The following SLC44A1 variants were observed in gnomAD, a reference collection of about 807,000 sequenced individuals.
The protein encoded by SLC44A1 is choline transporter-like protein 1.
SLC44A1 carries 26 observed loss-of-function variants against 79.3 expected under a neutral mutation model. The ratio of observed to expected loss-of-function variants is 0.33; its 90% CI spans 0.24 to 0.46. SLC44A1 has a LOEUF of 0.46. Among genes scored for constraint, SLC44A1 ranks in the 20% least tolerant of loss-of-function variants. The probability of loss-of-function intolerance (pLI) is 1.00; values close to 1 mark genes in which losing one functional copy is unlikely to be tolerated. For missense variants in SLC44A1, 688 were observed against 798.1 expected, an observed-to-expected ratio of 0.86 and a Z score of 1.66; for synonymous variants, 263 against 286.2, an observed-to-expected ratio of 0.92 and a Z score of 0.82.
In SLC44A1 at chr9:105,319,604, G is replaced by C. The variant is rs62575077; in HGVS notation, c.269+9738G>C. 1.6e-3 allele frequency among the ~76,000 whole-genome samples: 251 copies of C among 152,130 alleles called. 2 individuals carry two copies. The highest frequency in any genetic ancestry group is 0.012 in the South Asian group (60 of 4,812). On this transcript the variant is annotated intron_variant, in intron 3 of 15. Coordinates refer to ENST00000374720, the MANE Select transcript of SLC44A1 (RefSeq NM_080546.5). ...AAACAACATTGTTGGTCTTTCTAGG[G>C]TGGTCGACGCCCACCCTAAATAGTA...
chr9:105,329,510 C>T (rs1414305788), intron 3 of SLC44A1, among the ~76,000 whole-genome samples: 1 of 152,134 alleles, frequency 6.6e-6, no homozygotes. Context: ...GGCAAAGGCT[C>T]ATCTCTGGAT....
chr9:105,345,783 T>C (rs1340140211), intron 4 of SLC44A1, among the ~76,000 whole-genome samples: 1 of 152,144 alleles, frequency 6.6e-6, no homozygotes, highest in Non-Finnish European at 1.5e-5. Flanking sequence ...AAAGTTAGGT[T>C]CCTAAGATCA....
intron 1 of SLC44A1, among the ~76,000 whole-genome samples, chr9:105,287,747 C>T (rs1830509709): frequency 6.6e-6 from 1 of 152,110 alleles, no homozygotes; most frequent in African/African-American, 2.4e-5. Flanking sequence ...TGTTCCTTTC[C>T]CTCTCCATAC....
intron 3 of SLC44A1, among the ~76,000 whole-genome samples, chr9:105,316,014 A>T (rs966350549): frequency 5.9e-5 from 9 of 152,204 alleles, no homozygotes; most frequent in African/African-American, 2.2e-4. Context: ...AAGCGACCTA[A>T]GTGGTTGAAA....
chr9:105,283,613 G>A (rs139221453), intron 1 of SLC44A1, among the ~76,000 whole-genome samples: 5 of 152,250 alleles, frequency 3.3e-5, no homozygotes, highest in African/African-American at 1.2e-4. Context: ...GAAATTTTTT[G>A]TCAGTTTGGT....
intron 3 of SLC44A1, among the ~76,000 whole-genome samples, chr9:105,325,088 A>G (rs1229424515): frequency 6.6e-6 from 1 of 152,236 alleles, no homozygotes; most frequent in Non-Finnish European, 1.5e-5. Flanking sequence ...ATAGCCAAAA[A>G]CAGAAAACAG....
rs1485324000 is a variant in SLC44A1 at position 105,299,237 on chromosome 9, G to T, written c.54G>T (p.Trp18Cys). 6.3e-7 allele frequency: 1 copy of T among 1,589,326 alleles called. No homozygotes were observed. The highest frequency in any genetic ancestry group is 8.5e-7 in the Non-Finnish European group (1 of 1,171,560). ...CCAATTAGAGCTCCAAACGAGAATG[G>T]AAGCCGCTGGAGGACCGTAGCTGCA... The part of the protein sequence containing the change: ...SSAAQSSKRE[W>C]KPLEDRSCTD... The change falls in exon 2 of 16, where the codon TGG (tryptophan) becomes TGT (cysteine). Residue 18 changes from tryptophan (W) to cysteine (C), a missense_variant. Physicochemically the swap from Trp to Cys is radical, Grantham distance 215. Transcript: ENST00000374720.
At chr9:105,305,722 C>G (rs1197076206) in intron 2 of SLC44A1, among the ~76,000 whole-genome samples, 1 of 151,922 alleles carries the variant, frequency 6.6e-6, no homozygotes, top group Admixed American at 6.6e-5. Context: ...CCCACCCACT[C>G]TATACATGTT....
At chr9:105,423,209 G>C (rs1019711661) in intron 15 of SLC44A1, among the ~76,000 whole-genome samples, 1 of 152,048 alleles carries the variant, frequency 6.6e-6, no homozygotes, top group East Asian at 1.9e-4. Context: ...GGGAGGCCAG[G>C]GTGGGCGGAT....
At chr9:105,261,941 A>T (rs1247067589) in intron 1 of SLC44A1, among the ~76,000 whole-genome samples, 1 of 151,722 alleles carries the variant, frequency 6.6e-6, no homozygotes, top group Non-Finnish European at 1.5e-5. Flanking sequence ...CACCATGCCC[A>T]GCTAATTTTA....
At chr9:105,435,002 C>T (rs1221565713) in intron 15 of SLC44A1, among the ~76,000 whole-genome samples, 2 of 151,964 alleles carry the variant, frequency 1.3e-5, no homozygotes, top group Non-Finnish European at 2.9e-5. Context: ...AAAAATGTAA[C>T]CAGGTGTGGT....
intron 1 of SLC44A1, among the ~76,000 whole-genome samples, chr9:105,286,235 A>T (rs1830474914): frequency 1.3e-5 from 2 of 152,124 alleles, no homozygotes; most frequent in South Asian, 4.2e-4. Context: ...TCTACACAGG[A>T]TATGCTAACC....
chr9:105,289,650 C>T (rs948468245), intron 1 of SLC44A1, among the ~76,000 whole-genome samples: 12 of 152,106 alleles, frequency 7.9e-5, no homozygotes, highest in African/African-American at 2.4e-4. Context: ...TGCGTGACTG[C>T]TGTGAACTAA....
At chr9:105,406,404 G>A (rs1829029836) in intron 15 of SLC44A1, among the ~76,000 whole-genome samples, 1 of 152,016 alleles carries the variant, frequency 6.6e-6, no homozygotes, top group Admixed American at 6.6e-5. Flanking sequence ...AAATTACAAG[G>A]TACACAAAGA....
chr9:105,308,161 G>T (rs1289250003), intron 2 of SLC44A1, among the ~76,000 whole-genome samples: 1 of 152,152 alleles, frequency 6.6e-6, no homozygotes, highest in African/African-American at 2.4e-5. Context: ...AGAAGAAAAT[G>T]GACTCATCAG....
chr9:105,390,650 ATT>A lies in SLC44A1; in HGVS notation c.*1602_*1603del. On this transcript the variant is annotated 3_prime_UTR_variant, in exon 16 of 16. Transcript: ENST00000374720. The stretch of plus-strand genomic sequence containing the variant: ...TAAATTGCTGCAAAAGGTAAATTGT[ATT>A]TTTTTTTAAGTATTGGTGTTCTTTA... The A allele has an allele frequency of 1.0e-6, 1 of 981,118 alleles. No homozygotes were observed. The highest frequency in any genetic ancestry group is 1.2e-6 in the Non-Finnish European group (1 of 826,228). The allele number at this position is 981,118 out of a possible 1,614,324, so 60.8% of individuals were successfully genotyped here. A position where few individuals can be genotyped will look rare whatever the true frequency, so the allele number is the denominator to read the frequency against.
chr9:105,390,837 A>T lies in SLC44A1; in HGVS notation c.*1781A>T. On this transcript the variant is annotated 3_prime_UTR_variant, in exon 16 of 16. Coordinates refer to ENST00000374720, the MANE Select transcript of SLC44A1 (RefSeq NM_080546.5). Reference sequence around the variant, plus strand: ...TGTCTTAGCAAGATCTGGGAAACCAACATTGCGAGAGTAGCTATTTTGAAA... The same window carrying T: ...TGTCTTAGCAAGATCTGGGAAACCATCATTGCGAGAGTAGCTATTTTGAAA... 2 of 985,828 alleles carry T rather than the reference A, an allele frequency of 2.0e-6. No individual in the cohort carries two copies. The highest frequency in any genetic ancestry group is 1.2e-6 in the Non-Finnish European group (1 of 829,920). The allele number at this position is 985,828 out of a possible 1,614,324, so 61.1% of individuals were successfully genotyped here.
intron 1 of SLC44A1, among the ~76,000 whole-genome samples, chr9:105,245,241 C>T (rs957087070): frequency 2.8e-4 from 42 of 152,096 alleles, no homozygotes; most frequent in African/African-American, 9.2e-4. Flanking sequence ...CCTCCTCTGC[C>T]CCAGGTGGCA....
At chr9:105,299,865 C>T (rs1588751958) in intron 2 of SLC44A1, 1 of 986,142 alleles carries the variant, frequency 1.0e-6, no homozygotes, top group East Asian at 1.1e-4. Context: ...TGGCATCTTT[C>T]AATTAGAGAT....
Sources: allele counts gnomAD v4.1 joint callset (sites outside exome capture counted in the v4.1 genomes callset), GRCh38; gene constraint gnomAD v4.1.1; transcripts MANE v1.5; gene names NCBI Gene and HGNC (gene_info 2026-07-23, HGNC 2026-07-21).